Variants in ZBTB20 observed in about 807,000 individuals in gnomAD.
ZBTB20 encodes zinc finger and BTB domain-containing protein 20.
ZBTB20 carries 9 observed loss-of-function variants against 56.9 expected under a neutral mutation model. The observed-to-expected ratio is 0.16, with a 90% CI of 0.10 to 0.28. The LOEUF is 0.28. Among genes scored for constraint, ZBTB20 ranks in the 10% least tolerant of loss-of-function variants. The pLI is 1.00. For missense variants in ZBTB20, 655 were observed against 1,003.0 expected, an observed-to-expected ratio of 0.65 and a Z score of 4.69; for synonymous variants, 417 against 420.7, an observed-to-expected ratio of 0.99 and a Z score of 0.11.
chr3:114,470,937 C>T (rs1462303611), intron 7 of ZBTB20, among the ~76,000 whole-genome samples: 1 of 152,178 alleles, frequency 6.6e-6, no homozygotes, highest in Non-Finnish European at 1.5e-5. Context: ...GATTAAGTCT[C>T]TGATCTCCTG....
intron 2 of ZBTB20, among the ~76,000 whole-genome samples, chr3:115,034,209 T>C (rs527531066): frequency 1.3e-5 from 2 of 151,728 alleles, no homozygotes; most frequent in East Asian, 3.9e-4. Context: ...TTCCACATAA[T>C]ACTGAAAGTC....
In ZBTB20 at chr3:114,322,168, C is replaced by T. The variant is rs1337607866; in HGVS notation, c.*16837G>A. 1.3e-5 allele frequency: 2 copies of T among 152,236 alleles called. No individual in the cohort carries two copies. Among genetic ancestry groups the T allele is most frequent in the African/African-American group, 4.8e-5 (2 of 41,442 alleles). 9.4% of individuals were successfully genotyped at this position (152,236 alleles called of 1,614,324 possible). ...ATGCTGCCCTATGTTTCACCAGTGA[C>T]CTTTGTTTGGTTCTAAATGATTTAG... On this transcript the variant is annotated 3_prime_UTR_variant, in exon 12 of 12. Coordinates refer to ENST00000675478, the MANE Select transcript of ZBTB20 (RefSeq NM_001348800.3).
At chr3:114,842,593 C>T (rs1470562822) in intron 4 of ZBTB20, among the ~76,000 whole-genome samples, 1 of 151,980 alleles carries the variant, frequency 6.6e-6, no homozygotes, top group African/African-American at 2.4e-5. Context: ...CCAGGAGACA[C>T]CAAGGGCATA....
chr3:114,988,345 T>C (rs1433176963), intron 2 of ZBTB20, among the ~76,000 whole-genome samples: 1 of 146,794 alleles, frequency 6.8e-6, no homozygotes. Flanking sequence ...AGTGAGAACA[T>C]GCGGTGTTTG....
chr3:114,347,819 T>A (rs1408107683), intron 11 of ZBTB20, among the ~76,000 whole-genome samples: 1 of 152,244 alleles, frequency 6.6e-6, no homozygotes, highest in Admixed American at 6.5e-5. Flanking sequence ...ACATTATTAT[T>A]TTCAGATGGG....
intron 2 of ZBTB20, among the ~76,000 whole-genome samples, chr3:115,033,464 T>C (rs938557132): frequency 1.1e-4 from 17 of 151,522 alleles, no homozygotes; most frequent in African/African-American, 3.9e-4. Flanking sequence ...AACTAAAGTT[T>C]CCTCAAAAAA....
intron 2 of ZBTB20, among the ~76,000 whole-genome samples, chr3:114,998,101 T>C (rs1251848616): frequency 6.6e-6 from 1 of 151,786 alleles, no homozygotes; most frequent in Non-Finnish European, 1.5e-5. Context: ...AGTGATTATA[T>C]ACACACATGA....
At chr3:114,762,690 A>G (rs1434964670) in intron 5 of ZBTB20, among the ~76,000 whole-genome samples, 1 of 152,198 alleles carries the variant, frequency 6.6e-6, no homozygotes, top group Non-Finnish European at 1.5e-5. Flanking sequence ...CGTCTGAGCC[A>G]TACTAACCTA....
chr3:114,789,409 G>C (rs1280968142), intron 5 of ZBTB20, among the ~76,000 whole-genome samples: 1 of 152,128 alleles, frequency 6.6e-6, no homozygotes, highest in Non-Finnish European at 1.5e-5. Context: ...TAAGCGGTTA[G>C]CGTGCAACTA....
intron 4 of ZBTB20, among the ~76,000 whole-genome samples, chr3:114,853,347 C>T (rs565672392): frequency 6.6e-5 from 10 of 152,310 alleles, no homozygotes; most frequent in East Asian, 1.9e-4. Context: ...TTCTAAATTT[C>T]GAAATATCCC....
chr3:114,346,683 A>AT (rs34177643), intron 11 of ZBTB20, among the ~76,000 whole-genome samples: 1,513 of 136,906 alleles, frequency 0.011, 28 homozygotes, highest in East Asian at 0.05. Flanking sequence ...TCTCAAACAG[A>AT]TTTTTTTTTT....
chr3:114,494,519 C>T (rs2043072623), intron 7 of ZBTB20, among the ~76,000 whole-genome samples: 1 of 152,216 alleles, frequency 6.6e-6, no homozygotes, highest in Admixed American at 6.5e-5. Context: ...CCTCTTGTCT[C>T]ATTCCTTATA....
intron 2 of ZBTB20, among the ~76,000 whole-genome samples, chr3:114,992,541 C>A (rs1246942469): frequency 6.6e-6 from 1 of 151,716 alleles, no homozygotes; most frequent in African/African-American, 2.4e-5. Context: ...AAAGCCAGAG[C>A]AGAAGGTGGG....
At chr3:114,811,434 G>C (rs954157992) in intron 4 of ZBTB20, among the ~76,000 whole-genome samples, 1 of 151,864 alleles carries the variant, frequency 6.6e-6, no homozygotes, top group African/African-American at 2.4e-5. Context: ...AATTATGAAC[G>C]GATTTACAAA....
At chr3:115,028,594 TATAAG>T (rs2080526119) in intron 2 of ZBTB20, among the ~76,000 whole-genome samples, 1 of 150,606 alleles carries the variant, frequency 6.6e-6, no homozygotes, top group South Asian at 2.1e-4. Flanking sequence ...TAATTTTGCT[TATAAG>T]GATACAAAAC....
At chr3:114,484,323 A>G (rs1202841701) in intron 7 of ZBTB20, among the ~76,000 whole-genome samples, 4 of 152,192 alleles carry the variant, frequency 2.6e-5, no homozygotes. Flanking sequence ...AAAAAACACA[A>G]ACAAACCCTA....
chr3:115,086,906 AATGGTAAT>A (rs1439611969), intron 1 of ZBTB20, among the ~76,000 whole-genome samples: 1 of 151,796 alleles, frequency 6.6e-6, no homozygotes, highest in Non-Finnish European at 1.5e-5. Flanking sequence ...CTAAGGGGTA[AATGGTAAT>A]ATTCAACAGA....
intron 2 of ZBTB20, among the ~76,000 whole-genome samples, chr3:114,994,813 G>C (rs568148128): frequency 6.6e-5 from 10 of 151,962 alleles, no homozygotes; most frequent in Admixed American, 6.6e-4. Flanking sequence ...GACACCATCA[G>C]GATGAATTTA....
chr3:114,932,714 T>C (rs1189848089), intron 3 of ZBTB20, among the ~76,000 whole-genome samples: 1 of 152,150 alleles, frequency 6.6e-6, no homozygotes, highest in Non-Finnish European at 1.5e-5. Flanking sequence ...GAAACACTGG[T>C]AAGGGAGAAA....
Sources: gnomAD v4.1 joint callset for allele counts (sites outside exome capture counted in the v4.1 genomes callset) on GRCh38, gnomAD v4.1.1 for gene constraint, MANE v1.5 for transcripts, NCBI Gene and HGNC (gene_info 2026-07-23, HGNC 2026-07-21) for gene names.